Variants in UEVLD observed in about 807,000 individuals in gnomAD.
UEVLD encodes ubiquitin-conjugating enzyme E2 variant 3.
In UEVLD, 47 loss-of-function variants were observed where a neutral mutation model predicts 58.6. The observed-to-expected ratio is 0.80, with a 90% CI of 0.63 to 1.02. UEVLD has a LOEUF of 1.02. UEVLD is among the 50% of genes least tolerant of loss of function. UEVLD has a pLI of 0.00. For synonymous variants in UEVLD, 197 were observed against 195.3 expected, an observed-to-expected ratio of 1.01 and a Z score of -0.07; for missense variants, 510 against 550.6, an observed-to-expected ratio of 0.93 and a Z score of 0.74.
In UEVLD at chr11:18,570,380, A is replaced by G. The variant is rs868205054; in HGVS notation, c.194-3T>C. 2 of 1,517,812 alleles carry G rather than the reference A, an allele frequency of 1.3e-6. No homozygotes were observed. The highest frequency in any genetic ancestry group is 2.4e-5 in the East Asian group (1 of 41,250). 94.0% of individuals were successfully genotyped at this position (1,517,812 alleles called of 1,614,324 possible). On this transcript the variant is annotated splice_region_variant and splice_polypyrimidine_tract_variant and intron_variant, in intron 3 of 11. Coordinates refer to ENST00000396197, the MANE Select transcript of UEVLD (RefSeq NM_001040697.4). ...AATTGGTATGTTATATGTATTACCTATTTGAGACAAAAGAAACATATCTTC... is the reference window on the plus strand; with the variant it reads ...AATTGGTATGTTATATGTATTACCTGTTTGAGACAAAAGAAACATATCTTC...
chr11:18,588,732 G>C lies in UEVLD; in HGVS notation c.-78C>G. 2.0e-6 allele frequency: 3 copies of C among 1,526,864 alleles called. No individual in the cohort carries two copies. The highest frequency in any genetic ancestry group is 2.6e-6 in the Non-Finnish European group (3 of 1,134,954). The allele number at this position is 1,526,864 out of a possible 1,614,324, so 94.6% of individuals were successfully genotyped here. ...CCGGACTTGCTGCAGGACGGAAGCC[G>C]CTGAGGACCAAACTTCCCGGCGGTC... On this transcript the variant is annotated 5_prime_UTR_variant, in exon 1 of 12. Transcript: ENST00000396197.
intron 6 of UEVLD, among the ~76,000 whole-genome samples, chr11:18,564,273 T>C (rs567173823): frequency 1.3e-5 from 2 of 152,144 alleles, no homozygotes; most frequent in East Asian, 3.9e-4. Flanking sequence ...CAAATAAATA[T>C]ATAGAGGTAC....
At chr11:18,580,721 T>C (rs1300850208) in intron 1 of UEVLD, among the ~76,000 whole-genome samples, 2 of 151,602 alleles carry the variant, frequency 1.3e-5, no homozygotes, top group Non-Finnish European at 2.9e-5. Flanking sequence ...TGATTCCATG[T>C]ATATGCAATA....
intron 1 of UEVLD, among the ~76,000 whole-genome samples, chr11:18,581,619 G>A (rs898505696): frequency 2.3e-4 from 35 of 151,980 alleles, no homozygotes; most frequent in African/African-American, 6.0e-4. Context: ...GGGAGGCAGA[G>A]GTTGCAACGA....
chr11:18,549,344 C>A (rs1851431062), intron 7 of UEVLD, among the ~76,000 whole-genome samples: 1 of 152,182 alleles, frequency 6.6e-6, no homozygotes, highest in African/African-American at 2.4e-5. Flanking sequence ...TATTTCTTTT[C>A]TTTGCTCCTT....
intron 6 of UEVLD, among the ~76,000 whole-genome samples, chr11:18,560,486 A>C (rs1475857331): frequency 1.3e-5 from 2 of 152,216 alleles, no homozygotes; most frequent in African/African-American, 4.8e-5. Flanking sequence ...AAAAATTTAA[A>C]ACATTAACTT....
chr11:18,569,423 T>G (rs1009748745), intron 4 of UEVLD, among the ~76,000 whole-genome samples: 1 of 152,210 alleles, frequency 6.6e-6, no homozygotes, highest in Non-Finnish European at 1.5e-5. Flanking sequence ...GAGGCCAATT[T>G]AGTAATATAT....
chr11:18,586,858 G>A (rs1037394226), intron 1 of UEVLD, among the ~76,000 whole-genome samples: 1 of 151,564 alleles, frequency 6.6e-6, no homozygotes, highest in African/African-American at 2.4e-5. Context: ...ACGAAACCTC[G>A]TCGCTACTAA....
intron 9 of UEVLD, among the ~76,000 whole-genome samples, chr11:18,537,324 A>ATT (rs1554974951): frequency 7.7e-4 from 101 of 131,562 alleles, no homozygotes; most frequent in African/African-American, 1.2e-3. Flanking sequence ...ATATATATAT[A>ATT]TTTTTTTTTT....
At chr11:18,556,705 A>C (rs571124860) in intron 7 of UEVLD, among the ~76,000 whole-genome samples, 1 of 151,978 alleles carries the variant, frequency 6.6e-6, no homozygotes, top group South Asian at 2.1e-4. Flanking sequence ...AATACTTTCA[A>C]CTCCACATCC....
At chr11:18,544,310 A>T (rs879256553) in intron 9 of UEVLD, among the ~76,000 whole-genome samples, 1 of 152,084 alleles carries the variant, frequency 6.6e-6, no homozygotes, top group Non-Finnish European at 1.5e-5. Flanking sequence ...ACTAATAATA[A>T]TGTACTTCTT....
chr11:18,551,451 T>C (rs1590330457), intron 7 of UEVLD, among the ~76,000 whole-genome samples: 1 of 126,516 alleles, frequency 7.9e-6, no homozygotes, highest in Non-Finnish European at 1.7e-5. Context: ...AGGATCAGGA[T>C]AAAAGTTCAT....
At chr11:18,545,304 C>T (rs1851262334) in intron 8 of UEVLD, among the ~76,000 whole-genome samples, 1 of 151,864 alleles carries the variant, frequency 6.6e-6, no homozygotes, top group South Asian at 2.1e-4. Flanking sequence ...ATCTCTTGAC[C>T]TCATGATCCA....
intron 1 of UEVLD, among the ~76,000 whole-genome samples, chr11:18,586,044 T>C (rs987599812): frequency 6.6e-6 from 1 of 152,184 alleles, no homozygotes; most frequent in African/African-American, 2.4e-5. Flanking sequence ...ATTGACCCTA[T>C]AGATAAATTT....
intron 6 of UEVLD, among the ~76,000 whole-genome samples, chr11:18,560,895 C>T (rs1851999499): frequency 6.6e-6 from 1 of 152,070 alleles, no homozygotes; most frequent in South Asian, 2.1e-4. Context: ...CTTGTAGTCC[C>T]AGCTACTCGG....
At chr11:18,548,959 A>T (rs12577619) in intron 7 of UEVLD, among the ~76,000 whole-genome samples, 6,218 of 152,316 alleles carry the variant, frequency 0.041, 276 homozygotes, top group East Asian at 0.19. Context: ...ATTAGAAGAC[A>T]TTAGAACTGG....
chr11:18,556,320 A>G (rs1383417836), intron 7 of UEVLD, among the ~76,000 whole-genome samples: 2 of 152,242 alleles, frequency 1.3e-5, no homozygotes, highest in Non-Finnish European at 2.9e-5. Flanking sequence ...CTTCTACATG[A>G]GACCTACAAA....
chr11:18,566,896 G>T (rs113875996), intron 4 of UEVLD, among the ~76,000 whole-genome samples: 1,622 of 152,212 alleles, frequency 0.011, 10 homozygotes, highest in Non-Finnish European at 0.017. Flanking sequence ...CGAATACCTA[G>T]GTTTAGGAAC....
intron 6 of UEVLD, among the ~76,000 whole-genome samples, chr11:18,561,863 C>T (rs1319451059): frequency 1.3e-5 from 2 of 151,246 alleles, no homozygotes; most frequent in African/African-American, 4.9e-5. Flanking sequence ...TGCGCCACTG[C>T]ACTCCAGCCT....
Sources: allele counts gnomAD v4.1 joint callset (sites outside exome capture counted in the v4.1 genomes callset), GRCh38; gene constraint gnomAD v4.1.1; transcripts MANE v1.5; gene names NCBI Gene and HGNC (gene_info 2026-07-23, HGNC 2026-07-21).